The following EYS variants were observed in gnomAD, a reference collection of about 807,000 sequenced individuals.
EYS encodes protein eyes shut homolog.
EYS carries 250 observed loss-of-function variants against 282.1 expected under a neutral mutation model. The ratio of observed to expected loss-of-function variants is 0.89; its 90% CI spans 0.80 to 0.98. The LOEUF (loss-of-function observed/expected upper bound fraction) is 0.98. Among genes scored for constraint, EYS ranks in the 50% least tolerant of loss-of-function variants. EYS has a pLI of 0.00. For synonymous variants in EYS, 1,355 were observed against 1,282.9 expected (o/e 1.06, Z -1.20); for missense variants, 4,016 against 3,709.0 (o/e 1.08, Z -2.15).
intron 29 of EYS, among the ~76,000 whole-genome samples, chr6:64,352,457 G>C (rs981226729): frequency 4.6e-5 from 7 of 151,474 alleles, no homozygotes; most frequent in African/African-American, 1.5e-4. Flanking sequence ...GAGAAATCCT[G>C]CTTTATTCAC....
At chr6:65,024,796 G>A (rs1772353193) in intron 13 of EYS, among the ~76,000 whole-genome samples, 1 of 152,136 alleles carries the variant, frequency 6.6e-6, no homozygotes, top group Non-Finnish European at 1.5e-5. Context: ...GATATTGTTT[G>A]AGAGTGCTTC....
At chr6:64,519,341 T>C (rs1235745162) in intron 26 of EYS, among the ~76,000 whole-genome samples, 3 of 151,846 alleles carry the variant, frequency 2.0e-5, no homozygotes, top group Non-Finnish European at 4.4e-5. Flanking sequence ...GGACTTTAGA[T>C]TGTTTTGTGT....
chr6:65,627,883 T>C (rs1254433912), intron 2 of EYS, among the ~76,000 whole-genome samples: 1 of 152,212 alleles, frequency 6.6e-6, no homozygotes, highest in South Asian at 2.1e-4. Flanking sequence ...CCCCCTGCTC[T>C]ACGGCGCCCA....
chr6:65,450,667 A>G (rs9354246), intron 5 of EYS, among the ~76,000 whole-genome samples: 28,146 of 152,056 alleles, frequency 0.19, 3,251 homozygotes, highest in Middle Eastern at 0.3. Flanking sequence ...TGTGACCTTG[A>G]GCAGGGCAGC....
At chr6:64,947,929 CTGA>C (rs1769345692) in intron 14 of EYS, among the ~76,000 whole-genome samples, 1 of 151,676 alleles carries the variant, frequency 6.6e-6, no homozygotes. Flanking sequence ...AAGCACACTG[CTGA>C]TTTTTATTTT....
intron 26 of EYS, among the ~76,000 whole-genome samples, chr6:64,489,331 A>C (rs1227133524): frequency 6.6e-6 from 1 of 150,736 alleles, no homozygotes; most frequent in Admixed American, 6.6e-5. Context: ...TTTGTAAAAC[A>C]CTAGTCTCTA....
At chr6:64,930,461 TAAAAA>T (rs55650031) in intron 15 of EYS, among the ~76,000 whole-genome samples, 1,604 of 123,010 alleles carry the variant, frequency 0.013, 22 homozygotes, top group African/African-American at 0.042. Flanking sequence ...ATAAATAAGG[TAAAAA>T]AAAAAAAAAA....
intron 7 of EYS, among the ~76,000 whole-genome samples, chr6:65,393,011 T>C (rs1766111929): frequency 6.6e-6 from 1 of 152,182 alleles, no homozygotes; most frequent in South Asian, 2.1e-4. Context: ...GATGAGTTCA[T>C]GTCCTTTGTA....
chr6:64,138,307 G>A (rs1488719218), intron 31 of EYS, among the ~76,000 whole-genome samples: 2 of 152,146 alleles, frequency 1.3e-5, no homozygotes. Flanking sequence ...CCTATTTTAT[G>A]AAGACGGAAA....
At chr6:65,265,593 C>G (rs779169854) in intron 12 of EYS, among the ~76,000 whole-genome samples, 11 of 151,958 alleles carry the variant, frequency 7.2e-5, no homozygotes, top group Non-Finnish European at 1.6e-4. Context: ...AAATACCCCA[C>G]TTCCAATTGT....
At chr6:63,726,199 A>G (rs534322791) in intron 42 of EYS, among the ~76,000 whole-genome samples, 27 of 152,292 alleles carry the variant, frequency 1.8e-4, no homozygotes, top group Non-Finnish European at 3.8e-4. Context: ...TTCCTTTTAA[A>G]AAATCTTTTA....
chr6:65,145,325 T>C (rs1231467627), intron 12 of EYS, among the ~76,000 whole-genome samples: 2 of 152,058 alleles, frequency 1.3e-5, no homozygotes, highest in African/African-American at 2.4e-5. Context: ...TGATAATAAT[T>C]ATATATAGGT....
chr6:65,626,727 C>T (rs915882969), intron 2 of EYS, among the ~76,000 whole-genome samples: 1 of 151,934 alleles, frequency 6.6e-6, no homozygotes, highest in African/African-American at 2.4e-5. Flanking sequence ...TGCAAAATAA[C>T]AAATTCAAAG....
chr6:65,204,130 A>C (rs1210827848), intron 12 of EYS, among the ~76,000 whole-genome samples: 1 of 152,084 alleles, frequency 6.6e-6, no homozygotes, highest in Non-Finnish European at 1.5e-5. Context: ...ACTATGAAAA[A>C]CATAATTGAG....
intron 15 of EYS, among the ~76,000 whole-genome samples, chr6:64,943,390 C>G (rs9363296): frequency 6.6e-6 from 1 of 151,932 alleles, no homozygotes; most frequent in African/African-American, 2.4e-5. Flanking sequence ...CAAAAAGGAA[C>G]AAAATAAGTC....
At chr6:64,987,961 A>G (rs1306763950) in intron 14 of EYS, among the ~76,000 whole-genome samples, 2 of 151,462 alleles carry the variant, frequency 1.3e-5, no homozygotes, top group East Asian at 3.9e-4. Context: ...TAAATATATT[A>G]TGTTTAACAT....
At chr6:63,756,650 A>C (rs959432597) in intron 41 of EYS, among the ~76,000 whole-genome samples, 2 of 152,270 alleles carry the variant, frequency 1.3e-5, no homozygotes, top group East Asian at 3.9e-4. Flanking sequence ...AAAGTGAGTT[A>C]GGGAGTGTTG....
At chr6:65,640,471 A>G (rs1445062258) in intron 1 of EYS, among the ~76,000 whole-genome samples, 1 of 152,056 alleles carries the variant, frequency 6.6e-6, no homozygotes, top group African/African-American at 2.4e-5. Context: ...TCCGTGAAAT[A>G]TGTATATGTC....
At chr6:65,217,578 C>A (rs1035755203) in intron 12 of EYS, among the ~76,000 whole-genome samples, 2 of 151,952 alleles carry the variant, frequency 1.3e-5, no homozygotes, top group Non-Finnish European at 2.9e-5. Context: ...AGGAAGGGAG[C>A]TCCTTTAATT....
Sources: allele counts gnomAD v4.1 joint callset (sites outside exome capture counted in the v4.1 genomes callset), GRCh38; gene constraint gnomAD v4.1.1; transcripts MANE v1.5; gene names NCBI Gene and HGNC (gene_info 2026-07-23, HGNC 2026-07-21).